The following RTN4 variants were observed in gnomAD, a reference collection of about 807,000 sequenced individuals.
RTN4 encodes reticulon-4.
In RTN4, 32 loss-of-function variants were observed where a neutral mutation model predicts 90.4. The observed-to-expected ratio is 0.35, with a 90% CI of 0.27 to 0.48. The LOEUF is 0.48. RTN4 is among the 20% of genes least tolerant of loss of function. The probability of loss-of-function intolerance (pLI) is 0.99; values close to 1 mark genes in which losing one functional copy is unlikely to be tolerated. For synonymous variants in RTN4, 629 were observed against 552.5 expected (o/e 1.14, Z -1.94); for missense variants, 1,706 against 1,430.2 (o/e 1.19, Z -3.11).
chr2:54,975,827 G>C (rs1259423438), intron 5 of RTN4, among the ~76,000 whole-genome samples: 1 of 152,154 alleles, frequency 6.6e-6, no homozygotes, highest in African/African-American at 2.4e-5. Flanking sequence ...TCTACAAATA[G>C]CAACACTCTG....
intron 3 of RTN4, among the ~76,000 whole-genome samples, chr2:55,002,213 C>T (rs1679899569): frequency 6.6e-6 from 1 of 151,794 alleles, no homozygotes; most frequent in African/African-American, 2.4e-5. Context: ...CGTGCACCAC[C>T]ACACCAAGCT....
intron 2 of RTN4, among the ~76,000 whole-genome samples, chr2:55,064,523 G>T (rs1289941086): frequency 1.3e-5 from 2 of 151,908 alleles, no homozygotes; most frequent in African/African-American, 4.8e-5. Context: ...GCTAATTTTT[G>T]TATTTTTAGC....
chr2:55,046,640 G>A (rs1159038375), intron 1 of RTN4, among the ~76,000 whole-genome samples: 1 of 152,124 alleles, frequency 6.6e-6, no homozygotes, highest in East Asian at 1.9e-4. Flanking sequence ...CTCCCAAGGG[G>A]GAGCATGTGT....
At chr2:55,124,442 C>T in the RTN4 span, among the ~76,000 whole-genome samples, 1 of 152,190 alleles carries the variant, frequency 6.6e-6, no homozygotes. Flanking sequence ...AGAGCCAAAT[C>T]AGAAAGGCAA....
chr2:55,077,309 C>T (rs753514677), intron 2 of RTN4, among the ~76,000 whole-genome samples: 5 of 152,094 alleles, frequency 3.3e-5, no homozygotes, highest in African/African-American at 7.2e-5. Context: ...CACCACACCC[C>T]GCCTAGGGCA....
At chr2:55,012,508 A>C (rs1680718320) in intron 3 of RTN4, among the ~76,000 whole-genome samples, 1 of 152,200 alleles carries the variant, frequency 6.6e-6, no homozygotes, top group Non-Finnish European at 1.5e-5. Context: ...TTAAGCAAAA[A>C]AGTGCTTAAA....
At chr2:55,103,544 G>A (rs746803008) in intron 1 of RTN4, among the ~76,000 whole-genome samples, 1 of 151,916 alleles carries the variant, frequency 6.6e-6, no homozygotes, top group African/African-American at 2.4e-5. Flanking sequence ...ACTTTAGGAG[G>A]TGATGAATAT....
At chr2:55,023,440 C>A (rs981012070) in intron 3 of RTN4, among the ~76,000 whole-genome samples, 2 of 152,094 alleles carry the variant, frequency 1.3e-5, no homozygotes, top group Non-Finnish European at 2.9e-5. Flanking sequence ...CATAAACCAT[C>A]AAATAATTCC....
intron 2 of RTN4, among the ~76,000 whole-genome samples, chr2:55,076,558 C>G (rs984492977): frequency 6.6e-6 from 1 of 152,042 alleles, no homozygotes; most frequent in African/African-American, 2.4e-5. Flanking sequence ...CATAACCACG[C>G]TGAGCTAATT....
At chr2:55,040,867 C>A (rs1469399040) in intron 1 of RTN4, among the ~76,000 whole-genome samples, 1 of 151,718 alleles carries the variant, frequency 6.6e-6, no homozygotes, top group Non-Finnish European at 1.5e-5. Flanking sequence ...AGCAGCAACT[C>A]CAAACTCTTG....
At chr2:55,081,834 G>A (rs932851571) in intron 1 of RTN4, among the ~76,000 whole-genome samples, 3 of 132,860 alleles carry the variant, frequency 2.3e-5, no homozygotes, top group Admixed American at 8.7e-5. Context: ...CTGCACTCCA[G>A]CCTCGGCAAC....
At chr2:55,003,285 T>C (rs769214364) in intron 3 of RTN4, among the ~76,000 whole-genome samples, 1 of 152,232 alleles carries the variant, frequency 6.6e-6, no homozygotes, top group Non-Finnish European at 1.5e-5. Flanking sequence ...TCATTAATAT[T>C]TGATAATTTG....
Position 54,973,559 on chromosome 2 carries a change from T to C in RTN4, c.3536+4A>G. ...TAAAAACACTGCAGATTTTAAATAC[T>C]TACTTAGCCATAGCATCTTTAACAT... On this transcript the variant is annotated splice_donor_region_variant and intron_variant, in intron 8 of 8. Coordinates refer to ENST00000337526, the MANE Select transcript of RTN4 (RefSeq NM_020532.5). 1 of 1,600,434 alleles carries C rather than the reference T, an allele frequency of 6.2e-7. No homozygotes were observed. Among genetic ancestry groups the C allele is most frequent in the Non-Finnish European group, 8.6e-7 (1 of 1,167,746 alleles).
chr2:55,094,332 T>C (rs1668995080), intron 1 of RTN4, among the ~76,000 whole-genome samples: 1 of 152,222 alleles, frequency 6.6e-6, no homozygotes, highest in South Asian at 2.1e-4. Context: ...CTGTAGGAAA[T>C]ACATGTTTGT....
intron 2 of RTN4, among the ~76,000 whole-genome samples, chr2:55,067,444 G>A (rs960466664): frequency 7.3e-6 from 1 of 137,390 alleles, no homozygotes. Flanking sequence ...ATAGAGTCTT[G>A]TTCTGTTACC....
rs1223494673 is a variant in RTN4, at chr2:55,049,748, C to T, written c.553G>A (p.Val185Met). ...AGCGAGAGGTCGCGGCACTCACCCA[C>T]TGAGCCCGAGGAGCCCCTGCGCTTG... ...APKRRGSSGS[V>M]DETLFALPAA... The change falls in exon 1 of 9, where the codon GTG becomes ATG. Residue 185 changes from valine (V) to methionine (M), a missense_variant. By Grantham distance (21) the Val-to-Met change is conservative. Transcript: ENST00000337526. 7.3e-7 allele frequency: 1 copy of T among 1,361,218 alleles called. No individual in the cohort carries two copies. Among genetic ancestry groups the T allele is most frequent in the Non-Finnish European group, 9.5e-7 (1 of 1,055,012 alleles). 84.3% of individuals were successfully genotyped at this position (1,361,218 alleles called of 1,614,324 possible).
At chr2:55,102,481 C>G (rs563668288) in intron 1 of RTN4, among the ~76,000 whole-genome samples, 3 of 152,002 alleles carry the variant, frequency 2.0e-5, no homozygotes, top group East Asian at 3.8e-4. Context: ...TATTTGTGGA[C>G]GCTAAAAATT....
rs971331753 is a variant in RTN4 at position 55,024,952 on chromosome 2, A to G, written c.3013+134T>C. ...AAAAAGCACTAAAACCTTTAACTGA[A>G]AAAGTGGAGAAGACTTCTTACCAAT... is the stretch of plus-strand genomic sequence containing the variant. On this transcript the variant is annotated intron_variant, in intron 3 of 8. Transcript: ENST00000337526. 2.3e-5 allele frequency: 26 copies of G among 1,123,870 alleles called. No homozygotes were observed. In the South Asian group the frequency reaches 4.2e-4, roughly 18 times the overall value. The allele number at this position is 1,123,870 out of a possible 1,614,324, so 69.6% of individuals were successfully genotyped here.
chr2:55,118,958 A>G, the RTN4 span, among the ~76,000 whole-genome samples: 2 of 152,254 alleles, frequency 1.3e-5, no homozygotes, highest in Admixed American at 6.5e-5. Context: ...AGCTAAAAAT[A>G]GAAGCTGAGG....
Sources: gnomAD v4.1 joint callset for allele counts (sites outside exome capture counted in the v4.1 genomes callset) on GRCh38, gnomAD v4.1.1 for gene constraint, MANE v1.5 for transcripts, NCBI Gene and HGNC (gene_info 2026-07-23, HGNC 2026-07-21) for gene names.